GDF6: variants seen among roughly 807,000 people sequenced by gnomAD.
The protein encoded by GDF6 is growth differentiation factor 6.
In GDF6, 3 loss-of-function variants were observed where a neutral mutation model predicts 32.4. That is an observed-to-expected ratio of 0.09 (90% confidence interval 0.04 to 0.24). The LOEUF is 0.24. Ranked by LOEUF, GDF6 falls within the 10% of genes least tolerant of loss-of-function variation. The pLI, the probability that GDF6 is intolerant of heterozygous loss-of-function variation, is 1.00. For synonymous variants in GDF6, 296 were observed against 295.3 expected, an observed-to-expected ratio of 1.00 and a Z score of -0.03; for missense variants, 589 against 637.9, an observed-to-expected ratio of 0.92 and a Z score of 0.83.
In GDF6 at chr8:96,144,638, T is replaced by G. The variant is rs768948963; in HGVS notation, c.1293A>C (p.Leu431=). The change falls in exon 2 of 2, where the codon CTA becomes CTC. Residue 431 remains leucine (L), a synonymous_variant. Coordinates refer to ENST00000287020, the MANE Select transcript of GDF6 (RefSeq NM_001001557.4). This position sits in a 1 kb window ranked among gnomAD's most constrained non-coding sequence, Gnocchi z 5.1. The part of the protein sequence containing the change: ...VPTKLTPISI[L]YIDAGNNVVY... The stretch of plus-strand genomic sequence containing the variant: ...CCACATTATTGCCCGCGTCGATGTA[T>G]AGAATGCTGATGGGAGTCAATTTGG... 1 of 1,614,082 alleles carries G rather than the reference T, an allele frequency of 6.2e-7. No individual in the cohort carries two copies. Among genetic ancestry groups the G allele is most frequent in the East Asian group, 2.2e-5 (1 of 44,852 alleles).
chr8:96,145,777 G>A lies in GDF6; in HGVS notation c.407-253C>T, dbSNP rs1475092348. ...CTCAGGGCGGAAGTCGGTGGCTGCT[G>A]GCGAGGCGGCGGCGGCGGCCTACCG... is the stretch of plus-strand genomic sequence containing the variant. On this transcript the variant is annotated intron_variant, in intron 1 of 1. Coordinates refer to ENST00000287020, the MANE Select transcript of GDF6 (RefSeq NM_001001557.4). This position sits in a 1 kb window ranked among gnomAD's most constrained non-coding sequence, Gnocchi z 5.6. 6.6e-6 allele frequency among the ~76,000 whole-genome samples: 1 copy of A among 152,162 alleles called. No homozygotes were observed. Among genetic ancestry groups the A allele is most frequent in the Non-Finnish European group, 1.5e-5 (1 of 68,006 alleles).
At chr8:96,157,906 T>A (rs1358369438) in intron 1 of GDF6, among the ~76,000 whole-genome samples, 1 of 152,028 alleles carries the variant, frequency 6.6e-6, no homozygotes, top group Non-Finnish European at 1.5e-5. Context: ...AGAGGGAAAG[T>A]GAGGCTTTCC....
intron 1 of GDF6, among the ~76,000 whole-genome samples, chr8:96,146,607 C>T (rs1390058632): frequency 1.3e-5 from 2 of 151,824 alleles, no homozygotes; most frequent in Non-Finnish European, 2.9e-5. Context: ...GAACATCCTG[C>T]AGTCAATGAG....
chr8:96,150,776 G>A (rs1812555501), intron 1 of GDF6, among the ~76,000 whole-genome samples: 1 of 152,268 alleles, frequency 6.6e-6, no homozygotes, highest in African/African-American at 2.4e-5. Context: ...TGTTTTGGCA[G>A]GGGGCCAGGA....
rs1444250623 is a variant in GDF6, at chr8:96,156,409, C to CCTCT, written c.406+3874_406+3877dup. ...CTCTCTCTCTCTCTCTCTCTCTTTC[C>CCTCT]CTCTCTCTCTCTCTCTCTGTCTCTC... On this transcript the variant is annotated intron_variant, in intron 1 of 1. Coordinates refer to ENST00000287020, the MANE Select transcript of GDF6 (RefSeq NM_001001557.4). Among the ~76,000 whole-genome samples, 712 of 115,560 alleles carry CCTCT rather than the reference C, an allele frequency of 6.2e-3. 4 individuals are homozygous for CCTCT. Among genetic ancestry groups the CCTCT allele is most frequent in the Non-Finnish European group, 9.2e-3 (495 of 54,038 alleles). 75.8% of individuals were successfully genotyped at this position (115,560 alleles called of 152,430 possible). A position where few individuals can be genotyped will look rare whatever the true frequency, so the allele number is the denominator to read the frequency against.
intron 1 of GDF6, among the ~76,000 whole-genome samples, chr8:96,148,354 T>C (rs548086322): frequency 1.9e-4 from 29 of 152,310 alleles, no homozygotes; most frequent in African/African-American, 5.5e-4. Context: ...GAAGAGGCTG[T>C]CCAGACCCTG....
intron 1 of GDF6, among the ~76,000 whole-genome samples, chr8:96,148,786 C>T (rs1011935888): frequency 6.6e-6 from 1 of 152,172 alleles, no homozygotes; most frequent in African/African-American, 2.4e-5. Context: ...CCCCCAAAGC[C>T]ACCCCCATTT....
chr8:96,147,238 A>C (rs1812502120), intron 1 of GDF6, among the ~76,000 whole-genome samples: 1 of 152,114 alleles, frequency 6.6e-6, no homozygotes, highest in South Asian at 2.1e-4. Context: ...CCCCAACCTG[A>C]GATGGGGTGT....
At chr8:96,159,601 G>A (rs1812724794) in intron 1 of GDF6, among the ~76,000 whole-genome samples, 1 of 152,230 alleles carries the variant, frequency 6.6e-6, no homozygotes, top group Non-Finnish European at 1.5e-5. Flanking sequence ...CCCTGTCCCG[G>A]CCCGCCCAAC....
chr8:96,159,968 C>T (rs1030451651), intron 1 of GDF6, among the ~76,000 whole-genome samples: 4 of 152,172 alleles, frequency 2.6e-5, no homozygotes, highest in Non-Finnish European at 4.4e-5. Context: ...CGGGTTCATC[C>T]GCCTGCTGCC....
chr8:96,156,166 C>T (rs1812656716), intron 1 of GDF6, among the ~76,000 whole-genome samples: 1 of 152,180 alleles, frequency 6.6e-6, no homozygotes, highest in Non-Finnish European at 1.5e-5. Flanking sequence ...TTACTGCCTC[C>T]TTTTTGAGAA....
rs756577201 is a variant in GDF6, at chr8:96,160,660, G to A, written c.33C>T (p.Val11=). Residue 11 remains valine (V), a synonymous_variant, in exon 1 of 2, where the codon GTC becomes GTT. Coordinates refer to ENST00000287020, the MANE Select transcript of GDF6 (RefSeq NM_001001557.4). Reference sequence around the variant, plus strand: ...AATCCCACAGAAAACTGATGAGGAAGACGGCCGAGAGCAGGACCCTGGGAG... The same window carrying A: ...AATCCCACAGAAAACTGATGAGGAAAACGGCCGAGAGCAGGACCCTGGGAG... MDTPRVLLSA[V]FLISFLWDLP... 22 of 1,613,562 alleles carry A rather than the reference G, an allele frequency of 1.4e-5. No homozygotes were observed. Among genetic ancestry groups the A allele is most frequent in the Admixed American group, 1.7e-5 (1 of 59,992 alleles).
intron 1 of GDF6, among the ~76,000 whole-genome samples, chr8:96,146,046 C>A (rs1018399034): frequency 4.6e-5 from 7 of 152,156 alleles, no homozygotes; most frequent in Non-Finnish European, 1.0e-4. Context: ...ACCTTGTTTA[C>A]TTTTATCTCC....
intron 1 of GDF6, among the ~76,000 whole-genome samples, chr8:96,146,731 G>GAT (rs1812492622): frequency 6.6e-6 from 1 of 151,472 alleles, no homozygotes; most frequent in Non-Finnish European, 1.5e-5. Context: ...GAGAGATAGA[G>GAT]AGACTTTCCC....
chr8:96,142,474 T>C lies in GDF6; in HGVS notation c.*2089A>G, dbSNP rs1420651999. 1 of 152,388 alleles carries C rather than the reference T, an allele frequency of 6.6e-6. No homozygotes were observed. Among genetic ancestry groups the C allele is most frequent in the East Asian group, 1.9e-4 (1 of 5,194 alleles). 9.4% of individuals were successfully genotyped at this position (152,388 alleles called of 1,614,324 possible). On this transcript the variant is annotated 3_prime_UTR_variant, in exon 2 of 2. Transcript: ENST00000287020. ...TACTTGTATTATATGAGGTAGACAG[T>C]TTAAAAAAAACTCTCCATTAGACAG... is the stretch of plus-strand genomic sequence containing the variant.
chr8:96,160,567 G>C lies in GDF6; in HGVS notation c.126C>G (p.Gly42=). The C allele has an allele frequency of 1.2e-6, 2 of 1,613,656 alleles. No individual in the cohort carries two copies. Among genetic ancestry groups the C allele is most frequent in the Non-Finnish European group, 8.5e-7 (1 of 1,179,710 alleles). Residue 42 remains glycine (G), a synonymous_variant, in exon 1 of 2, where the codon GGC becomes GGG. Coordinates refer to ENST00000287020, the MANE Select transcript of GDF6 (RefSeq NM_001001557.4). The part of the protein sequence containing the change: ...SSSAELGSTK[G]MRSRKEGKMQ... Reference sequence around the variant, plus strand: ...TCTTGCCTTCCTTGCGGCTTCGCATGCCCTTGGTGGAACCCAGCTCGGCGG... The same window carrying C: ...TCTTGCCTTCCTTGCGGCTTCGCATCCCCTTGGTGGAACCCAGCTCGGCGG...
chr8:96,153,450 C>T (rs1812604908), intron 1 of GDF6, among the ~76,000 whole-genome samples: 1 of 152,214 alleles, frequency 6.6e-6, no homozygotes, highest in Non-Finnish European at 1.5e-5. Context: ...GCCCTCCCTC[C>T]CCATCTCACT....
chr8:96,149,035 C>G (rs2130215637), intron 1 of GDF6, among the ~76,000 whole-genome samples: 1 of 152,348 alleles, frequency 6.6e-6, no homozygotes, highest in African/African-American at 2.4e-5. Flanking sequence ...CCTGGCATCA[C>G]AGAGCCTGGC....
At chr8:96,151,417 G>A (rs1197818370) in intron 1 of GDF6, among the ~76,000 whole-genome samples, 2 of 152,194 alleles carry the variant, frequency 1.3e-5, no homozygotes, top group Non-Finnish European at 2.9e-5. Context: ...GACAGCTTGA[G>A]TAACTGGCTC....
Sources: gnomAD v4.1 joint callset for allele counts (sites outside exome capture counted in the v4.1 genomes callset) on GRCh38, gnomAD v4.1.1 for gene constraint, Gnocchi (gnomAD v3.1) non-coding constraint, MANE v1.5 for transcripts, NCBI Gene and HGNC (gene_info 2026-07-23, HGNC 2026-07-21) for gene names.